STAG1: variants seen among roughly 807,000 people sequenced by gnomAD.
The protein encoded by STAG1 is cohesin subunit SA-1.
In STAG1, 26 loss-of-function variants were observed where a neutral mutation model predicts 170.9. The observed-to-expected ratio is 0.15, with a 90% CI of 0.11 to 0.21. The LOEUF is 0.21. STAG1 is among the 10% of genes least tolerant of loss of function. The pLI is 1.00. For synonymous variants in STAG1, 514 were observed against 497.7 expected (o/e 1.03, Z -0.44); for missense variants, 964 against 1,509.5 (o/e 0.64, Z 5.99).
chr3:136,340,652 T>C, intron 31 of STAG1, 47 bp from the exon 32 acceptor site: 1 of 1,219,116 alleles, frequency 8.2e-7, no homozygotes, highest in Middle Eastern at 1.9e-4. Context: ...ACTCCACCAT[T>C]TGGAGTCCTG....
intron 5 of STAG1, among the ~76,000 whole-genome samples, chr3:136,566,153 A>G (rs966493393): frequency 2.6e-5 from 4 of 152,196 alleles, no homozygotes; most frequent in African/African-American, 4.8e-5. Flanking sequence ...CAAAATTCCT[A>G]TATTAAAATC....
intron 9 of STAG1, among the ~76,000 whole-genome samples, chr3:136,489,529 T>C (rs2090080615): frequency 6.6e-6 from 1 of 152,134 alleles, no homozygotes; most frequent in Non-Finnish European, 1.5e-5. Flanking sequence ...AGGAATCTCA[T>C]GAGAGCTCCA....
intron 21 of STAG1, among the ~76,000 whole-genome samples, chr3:136,413,872 CAA>C (rs2087699794): frequency 6.6e-6 from 1 of 152,096 alleles, no homozygotes; most frequent in Non-Finnish European, 1.5e-5. Flanking sequence ...GAATATAGCG[CAA>C]GTTTACTCCC....
At chr3:136,676,906 T>C (rs1188016162) in intron 1 of STAG1, among the ~76,000 whole-genome samples, 2 of 151,666 alleles carry the variant, frequency 1.3e-5, no homozygotes, top group Admixed American at 6.6e-5. Context: ...GGCACAGGCA[T>C]ACACATTAGC....
intron 28 of STAG1, among the ~76,000 whole-genome samples, chr3:136,353,876 T>C (rs1560052609): frequency 6.6e-6 from 1 of 152,216 alleles, no homozygotes; most frequent in Non-Finnish European, 1.5e-5. Context: ...TCTTAACTGA[T>C]TTAAAAAGCA....
chr3:136,657,279 A>C (rs1338699965), intron 1 of STAG1, among the ~76,000 whole-genome samples: 1 of 145,134 alleles, frequency 6.9e-6, no homozygotes, highest in Non-Finnish European at 1.5e-5. Flanking sequence ...GGCTCACCAC[A>C]ACCTCACCTC....
chr3:136,369,040 T>G, intron 24 of STAG1, 68 bp downstream of exon 24: 1 of 1,346,246 alleles, frequency 7.4e-7, no homozygotes, highest in Non-Finnish European at 9.7e-7. Context: ...CTGAATTTGT[T>G]TCTTTTCTCC....
At chr3:136,651,185 T>A (rs1316563128) in intron 1 of STAG1, among the ~76,000 whole-genome samples, 4 of 152,008 alleles carry the variant, frequency 2.6e-5, no homozygotes, top group Admixed American at 2.6e-4. Context: ...GGCAACGCAG[T>A]GAGCTCTCGT....
intron 7 of STAG1, among the ~76,000 whole-genome samples, chr3:136,508,858 G>A (rs1189251117): frequency 3.3e-5 from 5 of 151,930 alleles, no homozygotes; most frequent in South Asian, 2.1e-4. Flanking sequence ...ACGTGTGTAC[G>A]TGTGTGTGTG....
rs369218211 is a variant in STAG1, at chr3:136,717,458, G to GT, written c.-84+34736dup. Among the ~76,000 whole-genome samples, 917 of 152,276 alleles carry GT rather than the reference G, an allele frequency of 6.0e-3. 6 individuals are homozygous for GT. Among genetic ancestry groups the GT allele is most frequent in the African/African-American group, 0.022 (894 of 41,550 alleles). ...GCAGGTGGATCACTTGAGACCAGGA[G>GT]TTTGAGACCAGCCTGGCCAACATGG... On this transcript the variant is annotated intron_variant, in intron 1 of 33. Transcript: ENST00000383202.
chr3:136,664,493 C>T (rs1941686568), intron 1 of STAG1, among the ~76,000 whole-genome samples: 1 of 152,078 alleles, frequency 6.6e-6, no homozygotes, highest in Non-Finnish European at 1.5e-5. Flanking sequence ...AGAAGCCTGC[C>T]ACCTAGTCAA....
chr3:136,517,756 A>G (rs990078102), intron 7 of STAG1, among the ~76,000 whole-genome samples: 5 of 152,132 alleles, frequency 3.3e-5, no homozygotes, highest in Non-Finnish European at 7.4e-5. Context: ...CACAAACTGT[A>G]CTACTATGTC....
rs554338920 is a variant in STAG1 at position 136,540,822 on chromosome 3, C to CAA, written c.471+1295_471+1296dup. 5.4e-3 allele frequency among the ~76,000 whole-genome samples: 251 copies of CAA among 46,314 alleles called. 34 individuals are homozygous for CAA. Among genetic ancestry groups the CAA allele is most frequent in the East Asian group, 0.02 (25 of 1,238 alleles). The allele number at this position is 46,314 out of a possible 152,430, so 30.4% of individuals were successfully genotyped here. ...GGGCGACAGAGTGAAACTGTGTCTC[C>CAA]AAAAAAAAAAAAAAAAAAAAAAAAA... is the stretch of plus-strand genomic sequence containing the variant. On this transcript the variant is annotated intron_variant, in intron 6 of 33. Coordinates refer to ENST00000383202, the MANE Select transcript of STAG1 (RefSeq NM_005862.3).
chr3:136,721,784 A>T lies in STAG1; in HGVS notation c.-84+30411T>A, dbSNP rs1322255746. Among the ~76,000 whole-genome samples the T allele has an allele frequency of 2.0e-5, 3 of 151,820 alleles. No homozygotes were observed. The East Asian group carries it at 5.8e-4, about 29-fold the overall frequency. ...CTAAAAATACAAAAAATTAGCCGGG[A>T]GTGGTGGCGGGCACCTATAGTCCTA... On this transcript the variant is annotated intron_variant, in intron 1 of 33. Transcript: ENST00000383202.
chr3:136,667,821 A>G (rs568330203), intron 1 of STAG1, among the ~76,000 whole-genome samples: 1 of 152,128 alleles, frequency 6.6e-6, no homozygotes, highest in African/African-American at 2.4e-5. Flanking sequence ...TTAAACCATA[A>G]GAATGAATGA....
At chr3:136,582,470 G>T (rs959621429) in intron 4 of STAG1, among the ~76,000 whole-genome samples, 3 of 152,170 alleles carry the variant, frequency 2.0e-5, no homozygotes, top group Admixed American at 1.3e-4. Flanking sequence ...GTTGCTAATG[G>T]TATAATGCCA....
At chr3:136,338,887 T>C (rs543931155) in intron 32 of STAG1, among the ~76,000 whole-genome samples, 65 of 152,356 alleles carry the variant, frequency 4.3e-4, no homozygotes, top group Admixed American at 8.5e-4. Flanking sequence ...ATCTCATTTA[T>C]ATTTACAAAA....
chr3:136,477,498 T>C, intron 9 of STAG1, 86 bp from the exon 10 acceptor site: 1 of 1,251,642 alleles, frequency 8.0e-7, no homozygotes, highest in Non-Finnish European at 1.1e-6. Context: ...AATAAATATT[T>C]CTAATGCTGT....
At chr3:136,460,257 G>T (rs950896120) in intron 13 of STAG1, among the ~76,000 whole-genome samples, 1 of 152,052 alleles carries the variant, frequency 6.6e-6, no homozygotes, top group Non-Finnish European at 1.5e-5. Context: ...AAACCTAAAA[G>T]AAATGAATAA....
Sources: allele counts gnomAD v4.1 joint callset (sites outside exome capture counted in the v4.1 genomes callset), GRCh38; gene constraint gnomAD v4.1.1; transcripts MANE v1.5; gene names NCBI Gene and HGNC (gene_info 2026-07-23, HGNC 2026-07-21).